FAM83G: variants seen among roughly 807,000 people sequenced by gnomAD.
FAM83G encodes the protein protein FAM83G.
Under a neutral mutation model 61.5 loss-of-function variants are expected in FAM83G, and 38 were observed. The observed-to-expected ratio is 0.62, with a 90% CI of 0.48 to 0.81. FAM83G has a LOEUF of 0.81. FAM83G is among the 30% of genes least tolerant of loss of function. FAM83G has a pLI of 0.00. For missense variants in FAM83G, 989 were observed against 1,133.6 expected (o/e 0.87, Z 1.83); for synonymous variants, 470 against 476.1 (o/e 0.99, Z 0.17).
rs189167664 is a variant in FAM83G, at chr17:19,002,684, C to T, written c.522+836G>A. Among the ~76,000 whole-genome samples the T allele has an allele frequency of 6.9e-4, 105 of 152,326 alleles. 1 individual carries two copies. Among genetic ancestry groups the T allele is most frequent in the Middle Eastern group, 3.4e-3 (1 of 294 alleles). On this transcript the variant is annotated intron_variant, in intron 2 of 5. Coordinates refer to ENST00000388995, the MANE Select transcript of FAM83G (RefSeq NM_001039999.3). ...TACTTACGTGCAGCAGGCATTAGCA[C>T]CTGCTCATGGTCACAACTGTCCAGC...
chr17:19,003,108 A>G lies in FAM83G; in HGVS notation c.522+412T>C, dbSNP rs1377661925. ...GACCATGCCTATTCCCTCACCCCAC[A>G]ACAAAAGCTCTCCCCACCAGAGAGC... is the stretch of plus-strand genomic sequence containing the variant. On this transcript the variant is annotated intron_variant, in intron 2 of 5. Coordinates refer to ENST00000388995, the MANE Select transcript of FAM83G (RefSeq NM_001039999.3). The surrounding 1 kb of genome is among the most constrained non-coding windows in gnomAD (Gnocchi z 4.5). Among the ~76,000 whole-genome samples, 3 of 151,760 alleles carry G rather than the reference A, an allele frequency of 2.0e-5. No individual in the cohort carries two copies. Among genetic ancestry groups the G allele is most frequent in the Non-Finnish European group, 2.9e-5 (2 of 67,958 alleles).
At position 18,986,516 on chromosome 17, in the gene FAM83G, G is replaced by A. The variant is rs80202505; in HGVS notation, c.690+1731C>T. The stretch of plus-strand genomic sequence containing the variant: ...CAGTTTCTCCATCTGTCTTGTGGGA[G>A]CCTCATCTGAATGACCTCAAGGCCC... On this transcript the variant is annotated intron_variant, in intron 3 of 5. Transcript: ENST00000388995. 9.4e-3 allele frequency among the ~76,000 whole-genome samples: 1,428 copies of A among 152,276 alleles called. 16 individuals are homozygous for A. Among genetic ancestry groups the A allele is most frequent in the African/African-American group, 0.031 (1,298 of 41,544 alleles).
Position 18,978,430 on chromosome 17 carries a change from G to A in FAM83G, c.1236C>T (p.Pro412=), listed in dbSNP as rs767855355. 2.1e-5 allele frequency: 34 copies of A among 1,598,116 alleles called. 2 individuals are homozygous for A. In the South Asian group the frequency reaches 3.8e-4, roughly 18 times the overall value. ...GCTCCGGGTCTGGCTCCACCCACGT[G>A]GGCAGGTACTCAAACATGTTGGCCC... ...LERANMFEYL[P]TWVEPDPEPG... Residue 412 remains proline, a synonymous_variant, in exon 5 of 6, where the codon CCC becomes CCT. Coordinates refer to ENST00000388995, the MANE Select transcript of FAM83G (RefSeq NM_001039999.3).
Position 19,003,957 on chromosome 17 carries a change from C to T in FAM83G, c.85G>A (p.Glu29Lys), listed in dbSNP as rs1421094023. The change falls in exon 2 of 6, where the codon GAG (glutamate) becomes AAG (lysine). Residue 29 changes from glutamate (E) to lysine (K), a missense_variant. Coordinates refer to ENST00000388995, the MANE Select transcript of FAM83G (RefSeq NM_001039999.3). This position sits in a 1 kb window ranked among gnomAD's most constrained non-coding sequence, Gnocchi z 4.5. ...GCCTCCAGCGCCAGCCGCTGCTCCT[C>T]GCTGTAGAAGAACTCAGGCTTGGAC... ...SESKPEFFYS[E>K]EQRLALEALV... 3 of 1,612,920 alleles carry T rather than the reference C, an allele frequency of 1.9e-6. No homozygotes were observed. Among genetic ancestry groups the T allele is most frequent in the East Asian group, 2.2e-5 (1 of 44,866 alleles).
In FAM83G at chr17:18,971,076, G is replaced by C; in HGVS notation, c.*283C>G. The C allele has an allele frequency of 6.2e-7, 1 of 1,614,088 alleles. No individual in the cohort carries two copies. The highest frequency in any genetic ancestry group is 8.5e-7 in the Non-Finnish European group (1 of 1,180,040). On this transcript the variant is annotated 3_prime_UTR_variant, in exon 6 of 6. Coordinates refer to ENST00000388995, the MANE Select transcript of FAM83G (RefSeq NM_001039999.3). The surrounding 1 kb of genome is among the most constrained non-coding windows in gnomAD (Gnocchi z 5.5). ...GCCTACGCCCAGGCCATTCCCTCCAGGACCATTGCCAACACCACCTGCCAC... is the reference window on the plus strand; with the variant it reads ...GCCTACGCCCAGGCCATTCCCTCCACGACCATTGCCAACACCACCTGCCAC...
chr17:18,997,003 C>T (rs1045199497), intron 2 of FAM83G, among the ~76,000 whole-genome samples: 1 of 152,248 alleles, frequency 6.6e-6, no homozygotes, highest in Non-Finnish European at 1.5e-5. Context: ...GGGAGTGAAA[C>T]TGGATGAACT....
At chr17:18,985,413 G>T (rs1483359176) in intron 3 of FAM83G, among the ~76,000 whole-genome samples, 1 of 152,202 alleles carries the variant, frequency 6.6e-6, no homozygotes, top group Non-Finnish European at 1.5e-5. Flanking sequence ...AGGTCAAAAG[G>T]ATGACCCTAC....
chr17:18,990,801 C>A (rs1400894012), intron 2 of FAM83G, among the ~76,000 whole-genome samples: 1 of 320 alleles, frequency 3.1e-3, no homozygotes, highest in African/African-American at 0.01. Flanking sequence ...GAGCCTGGTG[C>A]TCCCCCAGGC....
At chr17:18,998,075 C>A (rs1309663799) in intron 2 of FAM83G, among the ~76,000 whole-genome samples, 2 of 152,232 alleles carry the variant, frequency 1.3e-5, no homozygotes, top group African/African-American at 2.4e-5. Context: ...TCCCACCACC[C>A]CACATGGCAT....
rs755601753 is a variant in FAM83G, at chr17:18,969,203, G to T, written c.*2156C>A. Reference sequence around the variant, plus strand: ...AGGTCCACCCAGGGGACGTGTAAAGGGGTCAGAAGGCCACCTCCCCCTACA... The same window carrying T: ...AGGTCCACCCAGGGGACGTGTAAAGTGGTCAGAAGGCCACCTCCCCCTACA... On this transcript the variant is annotated 3_prime_UTR_variant, in exon 6 of 6. Coordinates refer to ENST00000388995, the MANE Select transcript of FAM83G (RefSeq NM_001039999.3). The T allele has an allele frequency of 2.1e-5, 34 of 1,598,628 alleles. No individual in the cohort carries two copies. Among genetic ancestry groups the T allele is most frequent in the Middle Eastern group, 3.3e-4 (2 of 6,012 alleles).
chr17:18,970,665 T>G lies in FAM83G; in HGVS notation c.*694A>C. 1 of 309,966 alleles carries G rather than the reference T, an allele frequency of 3.2e-6. No homozygotes were observed. The highest frequency in any genetic ancestry group is 6.1e-6 in the Non-Finnish European group (1 of 164,912). 19.2% of individuals were successfully genotyped at this position (309,966 alleles called of 1,614,324 possible). On this transcript the variant is annotated 3_prime_UTR_variant, in exon 6 of 6. Transcript: ENST00000388995. ...TCAAGAAAAATTACTTTTGCTTCCT[T>G]GAATCGACAATCGGAAACCTGGCTG...
intron 5 of FAM83G, among the ~76,000 whole-genome samples, chr17:18,972,972 C>T (rs1207187107): frequency 6.6e-6 from 1 of 152,228 alleles, no homozygotes; most frequent in Non-Finnish European, 1.5e-5. Flanking sequence ...CAAGCAGGGC[C>T]CCTCATGCTC....
At chr17:18,975,613 G>C (rs2152006140) in intron 5 of FAM83G, 1 of 152,218 alleles carries the variant, frequency 6.6e-6, no homozygotes, top group Middle Eastern at 3.4e-3. Context: ...AGAATCCCTT[G>C]AACCCTGGAA....
rs193236393 is a variant in FAM83G at position 18,980,469 on chromosome 17, C to T, written c.691-796G>A. Among the ~76,000 whole-genome samples the T allele has an allele frequency of 4.7e-4, 72 of 152,280 alleles. 1 individual carries two copies. The highest frequency in any genetic ancestry group is 1.8e-3 in the Admixed American group (28 of 15,300). On this transcript the variant is annotated intron_variant, in intron 3 of 5. Transcript: ENST00000388995. Reference sequence around the variant, plus strand: ...AGCACAGCGGGCCCCTCAACTGCCTCAGCTCCAAGGCCAGGTCGTCACCGG... The same window carrying T: ...AGCACAGCGGGCCCCTCAACTGCCTTAGCTCCAAGGCCAGGTCGTCACCGG...
intron 3 of FAM83G, among the ~76,000 whole-genome samples, chr17:18,980,545 C>T (rs2043105167): frequency 6.6e-6 from 1 of 152,162 alleles, no homozygotes; most frequent in Non-Finnish European, 1.5e-5. Context: ...AGTGTGGAGT[C>T]TCTGGAGCTG....
At chr17:18,984,233 T>G (rs1316461631) in intron 3 of FAM83G, among the ~76,000 whole-genome samples, 1 of 142,694 alleles carries the variant, frequency 7.0e-6, no homozygotes, top group East Asian at 2.1e-4. Context: ...TCCCAGCTAC[T>G]GGGGAGGCTG....
At chr17:18,980,682 C>T (rs573070390) in intron 3 of FAM83G, among the ~76,000 whole-genome samples, 3 of 152,200 alleles carry the variant, frequency 2.0e-5, no homozygotes, top group East Asian at 1.9e-4. Flanking sequence ...AAGGACAGGG[C>T]GAGCCTGGCT....
At chr17:19,002,076 G>A (rs1309902948) in intron 2 of FAM83G, among the ~76,000 whole-genome samples, 2 of 152,152 alleles carry the variant, frequency 1.3e-5, no homozygotes, top group Non-Finnish European at 2.9e-5. Context: ...GGTGTGGGGC[G>A]GGTCTCTCAG....
intron 2 of FAM83G, among the ~76,000 whole-genome samples, chr17:18,995,604 T>G (rs2043546910): frequency 1.3e-5 from 2 of 152,324 alleles, no homozygotes; most frequent in South Asian, 4.1e-4. Context: ...ACTTCTACCA[T>G]TTGATTAAAG....
Sources: gnomAD v4.1 joint callset for allele counts (sites outside exome capture counted in the v4.1 genomes callset) on GRCh38, gnomAD v4.1.1 for gene constraint, Gnocchi (gnomAD v3.1) non-coding constraint, MANE v1.5 for transcripts, NCBI Gene and HGNC (gene_info 2026-07-23, HGNC 2026-07-21) for gene names.